FBXL7: variants seen among roughly 807,000 people sequenced by gnomAD.
The protein encoded by FBXL7 is F-box and leucine rich repeat protein 7, also known as F-box/LRR-repeat protein 7.
In FBXL7, 12 loss-of-function variants were observed where a neutral mutation model predicts 38.3. That is an observed-to-expected ratio of 0.31 (90% CI 0.20 to 0.51). The LOEUF (loss-of-function observed/expected upper bound fraction) is 0.51, where lower values mean the gene tolerates loss of function less well. Among genes scored for constraint, FBXL7 ranks in the 20% least tolerant of loss-of-function variants. FBXL7 has a pLI of 0.98. For synonymous variants in FBXL7, 297 were observed against 300.9 expected, an observed-to-expected ratio of 0.99 and a Z score of 0.13; for missense variants, 567 against 676.4, an observed-to-expected ratio of 0.84 and a Z score of 1.79.
At chr5:15,820,623 A>G (rs1386483224) in intron 2 of FBXL7, among the ~76,000 whole-genome samples, 4 of 151,866 alleles carry the variant, frequency 2.6e-5, no homozygotes, top group Non-Finnish European at 5.9e-5. Flanking sequence ...ATCTCCTCTG[A>G]GTCTTATGTA....
chr5:15,543,156 G>A (rs548070046), intron 1 of FBXL7, among the ~76,000 whole-genome samples: 1 of 152,266 alleles, frequency 6.6e-6, no homozygotes, highest in African/African-American at 2.4e-5. Flanking sequence ...ACATACCTGA[G>A]ACTGAGTAAT....
At chr5:15,714,778 G>A (rs1743987923) in intron 2 of FBXL7, among the ~76,000 whole-genome samples, 1 of 151,170 alleles carries the variant, frequency 6.6e-6, no homozygotes, top group Non-Finnish European at 1.5e-5. Flanking sequence ...GAACCTGGGA[G>A]GCAGAGCTTG....
intron 2 of FBXL7, among the ~76,000 whole-genome samples, chr5:15,759,894 C>T (rs1168348346): frequency 6.6e-6 from 1 of 152,014 alleles, no homozygotes; most frequent in Non-Finnish European, 1.5e-5. Flanking sequence ...TATTTCAGAA[C>T]GATATAGTAC....
intron 1 of FBXL7, among the ~76,000 whole-genome samples, chr5:15,510,016 C>T (rs115880994): frequency 0.012 from 1,760 of 152,240 alleles, 36 homozygotes; most frequent in African/African-American, 0.041. Context: ...TTCCCCGTTC[C>T]GTAGTTGAAA....
chr5:15,564,378 CTGTGTGTGTGTGTGTGTGTG>C (rs33993480), intron 1 of FBXL7, among the ~76,000 whole-genome samples: 1 of 147,402 alleles, frequency 6.8e-6, no homozygotes, highest in African/African-American at 2.5e-5. Flanking sequence ...TCAGTAATAT[CTGTGTGTGTGTGTGTGTGTG>C]TGTGTGTGTG....
At chr5:15,837,934 C>T (rs1479639791) in intron 2 of FBXL7, among the ~76,000 whole-genome samples, 1 of 152,176 alleles carries the variant, frequency 6.6e-6, no homozygotes, top group East Asian at 1.9e-4. Flanking sequence ...CAATACAGAA[C>T]TATAAATGGA....
chr5:15,653,656 A>G (rs17703976), intron 2 of FBXL7, among the ~76,000 whole-genome samples: 24,449 of 152,222 alleles, frequency 0.16, 2,318 homozygotes, highest in East Asian at 0.45. Flanking sequence ...GAGGAGCATG[A>G]TAAAATTAAA....
At chr5:15,722,351 A>G (rs547916813) in intron 2 of FBXL7, among the ~76,000 whole-genome samples, 1 of 152,268 alleles carries the variant, frequency 6.6e-6, no homozygotes, top group South Asian at 2.1e-4. Flanking sequence ...ATTGTCCTAT[A>G]CTGACAGGAA....
intron 2 of FBXL7, among the ~76,000 whole-genome samples, chr5:15,750,163 T>C (rs1736119687): frequency 6.6e-6 from 1 of 152,260 alleles, no homozygotes; most frequent in South Asian, 2.1e-4. Flanking sequence ...TAAAGATCCC[T>C]TCCCTCAAAG....
chr5:15,517,790 C>T (rs974920301), intron 1 of FBXL7, among the ~76,000 whole-genome samples: 2 of 152,150 alleles, frequency 1.3e-5, no homozygotes, highest in African/African-American at 4.8e-5. Context: ...ATTTAACTCA[C>T]GGCCTGGAGT....
chr5:15,832,931 C>T lies in FBXL7; in HGVS notation c.128-94959C>T, dbSNP rs533444813. ...AGGTAATTTAACCATAGGGGCGGGT[C>T]TTTCCCATGCTATTCTCATGATAGT... On this transcript the variant is annotated intron_variant, in intron 2 of 3. Coordinates refer to ENST00000504595, the MANE Select transcript of FBXL7 (RefSeq NM_012304.5). 4.2e-3 allele frequency among the ~76,000 whole-genome samples: 638 copies of T among 152,084 alleles called. 1 individual carries two copies. Among genetic ancestry groups the T allele is most frequent in the African/African-American group, 0.015 (614 of 41,504 alleles).
At chr5:15,632,209 G>A (rs1293693322) in intron 2 of FBXL7, among the ~76,000 whole-genome samples, 1 of 152,086 alleles carries the variant, frequency 6.6e-6, no homozygotes, top group Non-Finnish European at 1.5e-5. Context: ...TTTCTCAAAC[G>A]TCCTTTATTA....
chr5:15,543,148 ATACC>A (rs1737803214), intron 1 of FBXL7, among the ~76,000 whole-genome samples: 1 of 152,190 alleles, frequency 6.6e-6, no homozygotes. Context: ...TAATAAAGAC[ATACC>A]TGAGACTGAG....
At chr5:15,788,831 C>T (rs1296217260) in intron 2 of FBXL7, among the ~76,000 whole-genome samples, 1 of 151,916 alleles carries the variant, frequency 6.6e-6, no homozygotes, top group African/African-American at 2.4e-5. Context: ...AGGCATGCAC[C>T]ACCACACCCA....
chr5:15,626,543 C>CGTGTGTGT (rs1554010324), intron 2 of FBXL7, among the ~76,000 whole-genome samples: 4,325 of 103,640 alleles, frequency 0.042, 187 homozygotes, highest in African/African-American at 0.14. Context: ...AAATTCGTTT[C>CGTGTGTGT]CTGTGTGTGT....
At chr5:15,547,279 A>G (rs1315928389) in intron 1 of FBXL7, among the ~76,000 whole-genome samples, 2 of 152,202 alleles carry the variant, frequency 1.3e-5, no homozygotes, top group Non-Finnish European at 2.9e-5. Context: ...GAAAATGAAG[A>G]AAACTGATTA....
intron 1 of FBXL7, among the ~76,000 whole-genome samples, chr5:15,507,012 A>G (rs1580342702): frequency 6.6e-6 from 1 of 150,670 alleles, no homozygotes; most frequent in African/African-American, 2.5e-5. Context: ...CTTTGCTAAT[A>G]TGTTTCATCC....
intron 2 of FBXL7, among the ~76,000 whole-genome samples, chr5:15,898,891 C>G (rs1042199447): frequency 1.3e-5 from 2 of 151,956 alleles, no homozygotes; most frequent in Non-Finnish European, 2.9e-5. Context: ...ATTTTTTGGC[C>G]AGCAAATTAC....
chr5:15,721,361 T>C (rs1416543453), intron 2 of FBXL7, among the ~76,000 whole-genome samples: 1 of 152,184 alleles, frequency 6.6e-6, no homozygotes, highest in African/African-American at 2.4e-5. Flanking sequence ...GTCTCAAGGT[T>C]GCAGAGTTAT....
Sources: allele counts gnomAD v4.1 joint callset (sites outside exome capture counted in the v4.1 genomes callset), GRCh38; gene constraint gnomAD v4.1.1; transcripts MANE v1.5; gene names NCBI Gene and HGNC (gene_info 2026-07-23, HGNC 2026-07-21).